The following CENPP variants were observed in gnomAD, a reference collection of about 807,000 sequenced individuals.
CENPP encodes centromere protein P.
Under a neutral mutation model 35.6 loss-of-function variants are expected in CENPP, and 24 were observed. The observed-to-expected ratio is 0.67, with a 90% CI of 0.49 to 0.95. The LOEUF is 0.95. Ranked by LOEUF, CENPP falls within the 40% of genes least tolerant of loss-of-function variation. The probability of loss-of-function intolerance (pLI) is 0.00; values close to 1 mark genes in which losing one functional copy is unlikely to be tolerated. For missense variants in CENPP, 332 were observed against 345.3 expected (o/e 0.96, Z 0.31); for synonymous variants, 120 against 125.5 (o/e 0.96, Z 0.29).
intron 5 of CENPP, among the ~76,000 whole-genome samples, chr9:92,421,110 T>C (rs1843778290): frequency 1.3e-5 from 2 of 152,162 alleles, no homozygotes; most frequent in Non-Finnish European, 2.9e-5. Context: ...AGTGGTGCAC[T>C]CTTGGCTCAC....
At chr9:92,328,266 T>G (rs1257354627) in intron 1 of CENPP, among the ~76,000 whole-genome samples, 1 of 152,202 alleles carries the variant, frequency 6.6e-6, no homozygotes, top group African/African-American at 2.4e-5. Context: ...AGGTTTCTTT[T>G]CACTATAGTG....
chr9:92,543,214 G>A (rs1426563922), intron 5 of CENPP, among the ~76,000 whole-genome samples: 3 of 152,156 alleles, frequency 2.0e-5, no homozygotes, highest in Non-Finnish European at 4.4e-5. Flanking sequence ...GCTCACACCT[G>A]TAATCCAAGC....
At chr9:92,470,236 G>T (rs1165723315) in intron 5 of CENPP, among the ~76,000 whole-genome samples, 1 of 152,106 alleles carries the variant, frequency 6.6e-6, no homozygotes, top group Non-Finnish European at 1.5e-5. Flanking sequence ...CAATAAATAA[G>T]CCATACATGT....
At chr9:92,569,515 A>G (rs1166209875) in intron 5 of CENPP, among the ~76,000 whole-genome samples, 7 of 152,194 alleles carry the variant, frequency 4.6e-5, no homozygotes. Flanking sequence ...AGGTAGCATG[A>G]TGCCTCCAGC....
chr9:92,614,506 GTAGAAT>G lies in CENPP; in HGVS notation c.*1363_*1368del, dbSNP rs778913793. On this transcript the variant is annotated 3_prime_UTR_variant, in exon 8 of 8. Transcript: ENST00000375587. ...TAAGTATCTTTTTGCACCTCTGAGA[GTAGAAT>G]TAGAAGTAAATATGACAGAATTGAA... 10 of 152,650 alleles carry G rather than the reference GTAGAAT, an allele frequency of 6.6e-5. No individual in the cohort carries two copies. Among genetic ancestry groups the G allele is most frequent in the Non-Finnish European group, 1.2e-4 (8 of 68,040 alleles). The allele number at this position is 152,650 out of a possible 1,614,324, so 9.5% of individuals were successfully genotyped here.
chr9:92,453,367 CATTCAG>C (rs1354212464), intron 5 of CENPP, among the ~76,000 whole-genome samples: 1 of 152,194 alleles, frequency 6.6e-6, no homozygotes, highest in Non-Finnish European at 1.5e-5. Context: ...ACCCATTAGT[CATTCAG>C]GAGCAGGTTG....
intron 5 of CENPP, among the ~76,000 whole-genome samples, chr9:92,555,811 T>C (rs1849712360): frequency 6.6e-6 from 1 of 152,238 alleles, no homozygotes. Context: ...TAATGGTCTA[T>C]CAATTTTATT....
intron 5 of CENPP, chr9:92,474,782 TC>T: frequency 6.3e-7 from 1 of 1,598,508 alleles, no homozygotes; most frequent in Non-Finnish European, 8.6e-7. Flanking sequence ...ATCATCATCA[TC>T]ATCTGTGTCT....
intron 3 of CENPP, among the ~76,000 whole-genome samples, chr9:92,345,374 C>A (rs1841259747): frequency 6.6e-6 from 1 of 151,570 alleles, no homozygotes; most frequent in Non-Finnish European, 1.5e-5. Flanking sequence ...TGTCCCAGCT[C>A]CCCAGCTTTG....
intron 5 of CENPP, chr9:92,383,835 G>A (rs1006875660): frequency 6.6e-6 from 1 of 151,450 alleles, no homozygotes; most frequent in Non-Finnish European, 1.5e-5. Flanking sequence ...GTTATTTGAT[G>A]GTGTTTTGCT....
At chr9:92,366,103 CT>C (rs2130843612) in intron 4 of CENPP, among the ~76,000 whole-genome samples, 1 of 147,880 alleles carries the variant, frequency 6.8e-6, no homozygotes, top group South Asian at 2.1e-4. Flanking sequence ...TGGTGTGAAC[CT>C]GGGAGGCGGA....
At chr9:92,530,443 T>A (rs1279330133) in intron 5 of CENPP, among the ~76,000 whole-genome samples, 2 of 152,228 alleles carry the variant, frequency 1.3e-5, no homozygotes, top group Non-Finnish European at 2.9e-5. Context: ...AGTCATTTTA[T>A]GCCAATAAAA....
chr9:92,571,907 CTTTTTT>C (rs145507230), intron 5 of CENPP, among the ~76,000 whole-genome samples: 7 of 127,144 alleles, frequency 5.5e-5, no homozygotes, highest in African/African-American at 2.2e-4. Context: ...TGCAACTCCT[CTTTTTT>C]TTTTTTTTTT....
intron 4 of CENPP, among the ~76,000 whole-genome samples, chr9:92,357,713 A>G (rs1020040918): frequency 6.6e-6 from 1 of 151,888 alleles, no homozygotes; most frequent in Non-Finnish European, 1.5e-5. Context: ...GGTTAGGCTT[A>G]TCTCCGATTC....
At chr9:92,381,829 C>T (rs1419878389) in intron 5 of CENPP, among the ~76,000 whole-genome samples, 2 of 151,766 alleles carry the variant, frequency 1.3e-5, no homozygotes, top group African/African-American at 4.8e-5. Context: ...GTGCTTGTAC[C>T]ATTTTACACC....
chr9:92,615,023 TG>T lies in CENPP; in HGVS notation c.*1878del, dbSNP rs1851389458. On this transcript the variant is annotated 3_prime_UTR_variant, in exon 8 of 8. Transcript: ENST00000375587. ...GAGTGTCAGGAAAGCACTGAGCTGT[TG>T]GGGCACACTGCCCAGCCCGGCCACA... 1 of 152,252 alleles carries T rather than the reference TG, an allele frequency of 6.6e-6. No homozygotes were observed. Among genetic ancestry groups the T allele is most frequent in the South Asian group, 2.1e-4 (1 of 4,836 alleles). 9.4% of individuals were successfully genotyped at this position (152,252 alleles called of 1,614,324 possible).
In CENPP at chr9:92,354,924, G is replaced by T. The variant is rs538987503; in HGVS notation, c.467+9137G>T. Among the ~76,000 whole-genome samples the T allele has an allele frequency of 7.2e-5, 11 of 152,248 alleles. No individual in the cohort carries two copies. The South Asian group carries it at 2.1e-3, about 29-fold the overall frequency. On this transcript the variant is annotated intron_variant, in intron 4 of 7. Coordinates refer to ENST00000375587, the MANE Select transcript of CENPP (RefSeq NM_001012267.3). ...TCAGACCAGCAAGTTTTTATTAAGGGTTTCAAAAGGGGAGGGGGTATAAGA... is the reference window on the plus strand; with the variant it reads ...TCAGACCAGCAAGTTTTTATTAAGGTTTTCAAAAGGGGAGGGGGTATAAGA...
At chr9:92,344,539 T>A (rs1245693125) in intron 3 of CENPP, among the ~76,000 whole-genome samples, 3 of 152,068 alleles carry the variant, frequency 2.0e-5, no homozygotes, top group South Asian at 2.1e-4. Context: ...ATTATTTATT[T>A]TTATTATTAT....
At chr9:92,379,364 C>A (rs1842194726) in intron 4 of CENPP, among the ~76,000 whole-genome samples, 1 of 152,200 alleles carries the variant, frequency 6.6e-6, no homozygotes, top group Non-Finnish European at 1.5e-5. Context: ...CACTATGAGA[C>A]AACTCATTAG....
Sources: gnomAD v4.1 joint callset for allele counts (sites outside exome capture counted in the v4.1 genomes callset) on GRCh38, gnomAD v4.1.1 for gene constraint, MANE v1.5 for transcripts, NCBI Gene and HGNC (gene_info 2026-07-23, HGNC 2026-07-21) for gene names.